SERF1A: variants seen among roughly 807,000 people sequenced by gnomAD.
SERF1A encodes the protein small EDRK-rich factor 1A.
At chr5:70,907,611 A>G in intron 2 of SERF1A, 123 bp from the exon 3 acceptor site, 1 of 155,682 alleles carries the variant, frequency 6.4e-6, no homozygotes, top group South Asian at 6.7e-5. Context: ...ATGGAAAGAC[A>G]AAAAAGTTTA....
chr5:70,904,570 A>T (rs1424115923), intron 2 of SERF1A, among the ~76,000 whole-genome samples: 2 of 45,984 alleles, frequency 4.3e-5, no homozygotes, highest in Non-Finnish European at 4.7e-5. Flanking sequence ...TTTTTTTTTT[A>T]AAGGCAGAGT....
intron 2 of SERF1A, among the ~76,000 whole-genome samples, chr5:70,904,855 T>G (rs1473461292): frequency 4.7e-5 from 3 of 63,940 alleles, no homozygotes; most frequent in Admixed American, 2.1e-4. Flanking sequence ...GCTGGCCCAG[T>G]TATACCTTTT....
At chr5:70,913,398 A>AC (rs1342760099) in intron 2 of SERF1A, among the ~76,000 whole-genome samples, 10 of 143,806 alleles carry the variant, frequency 7.0e-5, no homozygotes, top group Non-Finnish European at 1.5e-4. Context: ...AAAAAAAAAA[A>AC]AACATACAAA....
chr5:70,910,798 A>ATTTTTTTTTTTTTT (rs1249752268), downstream of SERF1A, among the ~76,000 whole-genome samples: 1 of 20,928 alleles, frequency 4.8e-5, no homozygotes, highest in Non-Finnish European at 9.5e-5. Context: ...TATTATTATT[A>ATTTTTTTTTTTTTT]TTTTTTTTTT....
downstream of SERF1A, among the ~76,000 whole-genome samples, chr5:70,910,795 A>ATTATTT (rs1554081292): frequency 0.015 from 357 of 24,424 alleles, 123 homozygotes; most frequent in Middle Eastern, 0.027. Flanking sequence ...TATTATTATT[A>ATTATTT]TTATTTTTTT....
downstream of SERF1A, among the ~76,000 whole-genome samples, chr5:70,912,057 A>ACACTCT (rs1184160284): frequency 3.1e-3 from 57 of 18,606 alleles, no homozygotes; most frequent in African/African-American, 0.011. Context: ...ACACACACAC[A>ACACTCT]CTCTCTCTCT....
chr5:70,913,320 A>G (rs1749158599), intron 2 of SERF1A, among the ~76,000 whole-genome samples: 1 of 105,508 alleles, frequency 9.5e-6, no homozygotes, highest in African/African-American at 3.3e-5. Context: ...CAAAGGTTGC[A>G]GTGAGCCGAG....
chr5:70,913,395 A>AC (rs1484462550), intron 2 of SERF1A, among the ~76,000 whole-genome samples: 2 of 144,184 alleles, frequency 1.4e-5, no homozygotes, highest in Non-Finnish European at 1.5e-5. Context: ...AAAAAAAAAA[A>AC]AAAAACATAC....
chr5:70,904,861 CT>C lies in SERF1A; in HGVS notation c.117-2857del, dbSNP rs575588118. On this transcript the variant is annotated intron_variant, in intron 2 of 2. Transcript: ENST00000317633. ...AGCCACCACGCTGGCCCAGTTATACCTTTTTTTTTTTTTTTTGAATTTTTTT... is the reference window on the plus strand; with the variant it reads ...AGCCACCACGCTGGCCCAGTTATACCTTTTTTTTTTTTTTTGAATTTTTTT... Among the ~76,000 whole-genome samples, 199 of 57,684 alleles carry C rather than the reference CT, an allele frequency of 3.4e-3. 2 individuals carry two copies. Among genetic ancestry groups the C allele is most frequent in the Middle Eastern group, 5.9e-3 (1 of 170 alleles). 37.8% of individuals were successfully genotyped at this position (57,684 alleles called of 152,430 possible).
chr5:70,912,055 A>ACTCTCT (rs1373795637), downstream of SERF1A, among the ~76,000 whole-genome samples: 20 of 30,384 alleles, frequency 6.6e-4, no homozygotes, highest in African/African-American at 2.2e-3. Context: ...ACACACACAC[A>ACTCTCT]CACTCTCTCT....
intron 2 of SERF1A, among the ~76,000 whole-genome samples, chr5:70,916,124 TTA>T (rs909775514): frequency 2.5e-4 from 1 of 3,934 alleles, no homozygotes; most frequent in Non-Finnish European, 3.8e-4. Flanking sequence ...TCCCATCTGA[TTA>T]TCACCATAGA....
downstream of SERF1A, among the ~76,000 whole-genome samples, chr5:70,912,261 CA>C (rs1278513873): frequency 2.3e-4 from 1 of 4,290 alleles, no homozygotes; most frequent in African/African-American, 4.2e-4. Flanking sequence ...ATAAAACTGT[CA>C]CTGAGAAAAG....
At chr5:70,912,057 A>ACACACACACACACACTCTCT (rs1184160284), downstream of SERF1A, among the ~76,000 whole-genome samples, 1 of 18,600 alleles carries the variant, frequency 5.4e-5, no homozygotes, top group African/African-American at 2.1e-4. Flanking sequence ...ACACACACAC[A>ACACACACACACACACTCTCT]CTCTCTCTCT....
downstream of SERF1A, among the ~76,000 whole-genome samples, chr5:70,912,055 A>ACTCTCTCTCTCTCTCTCT (rs1373795637): frequency 9.9e-5 from 3 of 30,392 alleles, no homozygotes; most frequent in African/African-American, 2.4e-4. Context: ...ACACACACAC[A>ACTCTCTCTCTCTCTCTCT]CACTCTCTCT....
downstream of SERF1A, among the ~76,000 whole-genome samples, chr5:70,912,057 A>ACACACTCTCTCT (rs1184160284): frequency 3.1e-3 from 58 of 18,600 alleles, 2 homozygotes; most frequent in African/African-American, 0.011. Context: ...ACACACACAC[A>ACACACTCTCTCT]CTCTCTCTCT....
chr5:70,912,082 CAAAA>C (rs1749135753), downstream of SERF1A, among the ~76,000 whole-genome samples: 3 of 46,706 alleles, frequency 6.4e-5, no homozygotes, highest in Admixed American at 3.1e-4. Context: ...CTCTCTCTCT[CAAAA>C]ACACTTGGTC....
downstream of SERF1A, among the ~76,000 whole-genome samples, chr5:70,911,865 T>G (rs1343396464): frequency 2.8e-4 from 1 of 3,522 alleles, no homozygotes; most frequent in Non-Finnish European, 5.7e-4. Context: ...ATTAGGTGGG[T>G]GTGGTGGTGC....
downstream of SERF1A, among the ~76,000 whole-genome samples, chr5:70,909,408 A>G (rs1749087690): frequency 6.6e-6 from 1 of 151,654 alleles, no homozygotes; most frequent in Non-Finnish European, 1.5e-5. Flanking sequence ...TTCTATCTTC[A>G]TATTAGCCTA....
intron 2 of SERF1A, among the ~76,000 whole-genome samples, chr5:70,904,767 G>A (rs1306822357): frequency 1.9e-5 from 1 of 52,160 alleles, no homozygotes; most frequent in Non-Finnish European, 3.9e-5. Context: ...TGGCCAGGCT[G>A]GTCTCAAACT....
Sources: gnomAD v4.1 joint callset for allele counts (sites outside exome capture counted in the v4.1 genomes callset) on GRCh38, gnomAD v4.1.1 for gene constraint, MANE v1.5 for transcripts, NCBI Gene and HGNC (gene_info 2026-07-23, HGNC 2026-07-21) for gene names.